Variants in DSC1 observed in about 807,000 individuals in gnomAD.
DSC1 encodes desmocollin-1.
DSC1 carries 79 observed loss-of-function variants against 98.8 expected under a neutral mutation model. The observed-to-expected ratio is 0.80, with a 90% CI of 0.67 to 0.96. The LOEUF (loss-of-function observed/expected upper bound fraction) is 0.96. Ranked by LOEUF, DSC1 falls within the 50% of genes least tolerant of loss-of-function variation. The probability of loss-of-function intolerance (pLI) is 0.00; values close to 1 mark genes in which losing one functional copy is unlikely to be tolerated. For missense variants in DSC1, 1,115 were observed against 1,075.9 expected (o/e 1.04, Z -0.51); for synonymous variants, 405 against 372.1 (o/e 1.09, Z -1.02).
chr18:31,141,885 T>A, intron 9 of DSC1, 114 bp downstream of exon 9: 1 of 980,014 alleles, frequency 1.0e-6, no homozygotes, highest in Admixed American at 3.1e-5. Flanking sequence ...CCAATATAAA[T>A]CATTTGGCCT....
At chr18:31,158,406 G>C (rs190751212) in intron 2 of DSC1, among the ~76,000 whole-genome samples, 3 of 152,298 alleles carry the variant, frequency 2.0e-5, no homozygotes, top group Admixed American at 2.0e-4. Flanking sequence ...CTCCTTTACA[G>C]ATTCATATTT....
intron 5 of DSC1, among the ~76,000 whole-genome samples, 185 bp downstream of exon 5, chr18:31,154,589 C>T (rs1989058644): frequency 6.6e-6 from 1 of 152,028 alleles, no homozygotes; most frequent in Non-Finnish European, 1.5e-5. Context: ...CCGCCACTTC[C>T]CTTATTATAT....
Position 31,140,184 on chromosome 18 carries a change from C to T in DSC1, c.1378G>A (p.Val460Ile), listed in dbSNP as rs17800159. Residue 460 changes from valine to isoleucine, a missense_variant, in exon 10 of 16, where the codon GTT becomes ATT. Coordinates refer to ENST00000257198, the MANE Select transcript of DSC1 (RefSeq NM_024421.2). ...TPTMCTTTVT[V>I]KIIDSDEGPE... is the part of the protein sequence containing the mutation. ...CCCTCATCACTGTCTATAATTTTAACGGTGACAGTTGTAGTGCACATTGTA... is the reference window on the plus strand; with the variant it reads ...CCCTCATCACTGTCTATAATTTTAATGGTGACAGTTGTAGTGCACATTGTA... The T allele has an allele frequency of 0.13, 216,396 of 1,613,840 alleles. 18,953 individuals carry two copies. Among genetic ancestry groups the T allele is most frequent in the East Asian group, 0.5 (22,300 of 44,840 alleles).
chr18:31,149,713 A>C (rs1036109334), intron 5 of DSC1, among the ~76,000 whole-genome samples: 2 of 152,180 alleles, frequency 1.3e-5, no homozygotes, highest in African/African-American at 4.8e-5. Flanking sequence ...CTGCTAAATT[A>C]ACCACAAAAT....
chr18:31,162,280 G>A (rs1989223865), intron 1 of DSC1, among the ~76,000 whole-genome samples: 1 of 152,156 alleles, frequency 6.6e-6, no homozygotes, highest in South Asian at 2.1e-4. Flanking sequence ...ACCACAGCAG[G>A]ATGGAAGAGG....
Position 31,131,597 on chromosome 18 carries a change from G to A in DSC1, c.2484C>T (p.Gly828=), listed in dbSNP as rs764052606. The change falls in exon 15 of 16, where the codon GGC becomes GGT. Residue 828 remains glycine (G), a synonymous_variant. Transcript: ENST00000257198. ...CCTCAAAGACAGTGGAACTTACTTC[G>A]CCAAGCCGAGGTTGGGTGAAACTCT... The part of the protein sequence containing the change: ...DWQSFTQPRL[G]EKVYLCGQDE... 4.5e-5 allele frequency: 73 copies of A among 1,613,904 alleles called. No individual in the cohort carries two copies. Among genetic ancestry groups the A allele is most frequent in the South Asian group, 1.3e-4 (12 of 91,076 alleles).
At chr18:31,131,427 G>A in intron 15 of DSC1, 167 bp downstream of exon 15, 2 of 953,660 alleles carry the variant, frequency 2.1e-6, no homozygotes, top group South Asian at 3.5e-5. Flanking sequence ...AATTTTCAAA[G>A]ATCATTTTTA....
intron 3 of DSC1, 57 bp from the exon 4 acceptor site, chr18:31,156,219 G>A: frequency 6.3e-7 from 1 of 1,584,996 alleles, no homozygotes; most frequent in Non-Finnish European, 8.6e-7. Context: ...TTGGAACTGT[G>A]ATTATTTTAC....
At chr18:31,159,728 A>G (rs1009404562) in intron 1 of DSC1, among the ~76,000 whole-genome samples, 199 bp from the exon 2 acceptor site, 4 of 152,176 alleles carry the variant, frequency 2.6e-5, no homozygotes, top group Non-Finnish European at 4.4e-5. Context: ...TTATTTGTCA[A>G]TGAAAAAAAT....
chr18:31,152,317 C>T (rs1989016767), intron 5 of DSC1, among the ~76,000 whole-genome samples: 1 of 152,130 alleles, frequency 6.6e-6, no homozygotes, highest in Admixed American at 6.6e-5. Context: ...GCTTTCACAG[C>T]ATCACTTGGA....
chr18:31,133,277 A>T (rs1003163219), intron 13 of DSC1, among the ~76,000 whole-genome samples: 10 of 152,086 alleles, frequency 6.6e-5, no homozygotes, highest in African/African-American at 2.4e-4. Flanking sequence ...AAAGAAAGAG[A>T]AAAAGGCAGT....
intron 3 of DSC1, 129 bp downstream of exon 3, chr18:31,157,242 T>C: frequency 1.0e-6 from 1 of 982,906 alleles, no homozygotes; most frequent in South Asian, 1.5e-5. Context: ...ACACTAATTG[T>C]AAGTGGAAAA....
intron 5 of DSC1, among the ~76,000 whole-genome samples, chr18:31,150,345 C>G (rs1414848346): frequency 4.0e-5 from 2 of 50,406 alleles, no homozygotes; most frequent in Non-Finnish European, 8.0e-5. Context: ...ACTACCATCA[C>G]CACCACCACC....
Position 31,132,144 on chromosome 18 carries a change from T to C in DSC1, c.2239-302A>G, listed in dbSNP as rs1365146332. The C allele has an allele frequency of 9.8e-6, 4 of 409,212 alleles. No homozygotes were observed. In the East Asian group the frequency reaches 2.1e-4, roughly 21 times the overall value. The allele number at this position is 409,212 out of a possible 1,614,324, so 25.3% of individuals were successfully genotyped here. ...GGTCCCTAAGCGAATATAATCAGTA[T>C]CCTTATAAAAAGGGGAAATTTGGAC... On this transcript the variant is annotated intron_variant, in intron 14 of 15. Coordinates refer to ENST00000257198, the MANE Select transcript of DSC1 (RefSeq NM_024421.2).
intron 2 of DSC1, among the ~76,000 whole-genome samples, chr18:31,158,594 G>A (rs555749126): frequency 2.6e-5 from 4 of 152,170 alleles, no homozygotes; most frequent in East Asian, 3.9e-4. Context: ...AAAATTTTAC[G>A]TTTGGGCTCA....
At chr18:31,151,586 T>C (rs1040201393) in intron 5 of DSC1, among the ~76,000 whole-genome samples, 3 of 152,218 alleles carry the variant, frequency 2.0e-5, no homozygotes, top group East Asian at 1.9e-4. Flanking sequence ...GTGCGTGTTA[T>C]TGTGATATAG....
chr18:31,143,001 TCTTTGA>T (rs1988767524), intron 8 of DSC1, among the ~76,000 whole-genome samples: 1 of 152,024 alleles, frequency 6.6e-6, no homozygotes, highest in South Asian at 2.1e-4. Flanking sequence ...GGTTTTTCCT[TCTTTGA>T]CTTGTGCTCT....
At chr18:31,158,380 G>T (rs1011423339) in intron 2 of DSC1, among the ~76,000 whole-genome samples, 1 of 152,260 alleles carries the variant, frequency 6.6e-6, no homozygotes, top group African/African-American at 2.4e-5. Context: ...ATGCGCTGTG[G>T]TTATTATCAA....
Position 31,162,495 on chromosome 18 carries a change from C to T in DSC1, c.63+37G>A, listed in dbSNP as rs376968115. 2.6e-5 allele frequency: 42 copies of T among 1,604,130 alleles called. No homozygotes were observed. The South Asian group carries it at 4.0e-4, about 15-fold the overall frequency. On this transcript the variant is annotated intron_variant, in intron 1 of 15. Transcript: ENST00000257198. ...ACTGCAGAGAGGAAGCAGGTAGTAA[C>T]ATGCTTGAATTCCCTAATCCTTTGG...
Sources: gnomAD v4.1 joint callset for allele counts (sites outside exome capture counted in the v4.1 genomes callset) on GRCh38, gnomAD v4.1.1 for gene constraint, MANE v1.5 for transcripts, NCBI Gene and HGNC (gene_info 2026-07-23, HGNC 2026-07-21) for gene names.